RBFOX1: variants seen among roughly 807,000 people sequenced by gnomAD.
The protein encoded by RBFOX1 is RNA binding protein fox-1 homolog 1.
Under a neutral mutation model 57.7 loss-of-function variants are expected in RBFOX1, and 8 were observed. The observed-to-expected ratio is 0.14, with a 90% CI of 0.08 to 0.25. The LOEUF (loss-of-function observed/expected upper bound fraction) is 0.25, where lower values mean the gene tolerates loss of function less well. Ranked by LOEUF, RBFOX1 falls within the 10% of genes least tolerant of loss-of-function variation. The pLI, the probability that RBFOX1 is intolerant of heterozygous loss-of-function variation, is 1.00. For missense variants in RBFOX1, 611 were observed against 548.5 expected, an observed-to-expected ratio of 1.11 and a Z score of -1.14; for synonymous variants, 326 against 222.4, an observed-to-expected ratio of 1.47 and a Z score of -4.15.
chr16:7,202,232 A>G (rs906212603), intron 4 of RBFOX1, among the ~76,000 whole-genome samples: 1 of 152,072 alleles, frequency 6.6e-6, no homozygotes, highest in African/African-American at 2.4e-5. Context: ...ATCATTAATC[A>G]TTAGAGAAAA....
At chr16:5,872,577 G>C (rs1430102917) in intron 4 of RBFOX1, among the ~76,000 whole-genome samples, 2 of 148,836 alleles carry the variant, frequency 1.3e-5, no homozygotes, top group African/African-American at 4.9e-5. Context: ...TCTACAGAAA[G>C]AAAAAAAAAA....
chr16:6,448,133 C>CT (rs1294010408), intron 2 of RBFOX1, among the ~76,000 whole-genome samples: 3 of 93,452 alleles, frequency 3.2e-5, no homozygotes, highest in Non-Finnish European at 4.6e-5. Context: ...AGACATTTTT[C>CT]TTTTTTTTCT....
intron 1 of RBFOX1, among the ~76,000 whole-genome samples, chr16:6,152,188 TTGTC>T (rs2096802265): frequency 1.3e-5 from 2 of 152,214 alleles, no homozygotes; most frequent in African/African-American, 4.8e-5. Flanking sequence ...TGGCATAATA[TTGTC>T]TGAGTCAATC....
At chr16:7,321,882 A>G (rs746784582) in intron 4 of RBFOX1, among the ~76,000 whole-genome samples, 11 of 152,290 alleles carry the variant, frequency 7.2e-5, no homozygotes, top group African/African-American at 2.2e-4. Flanking sequence ...CTGCCTGGCC[A>G]TGACATCGCA....
At chr16:5,718,781 T>C (rs2051814920) in intron 3 of RBFOX1, among the ~76,000 whole-genome samples, 1 of 152,102 alleles carries the variant, frequency 6.6e-6, no homozygotes, top group African/African-American at 2.4e-5. Context: ...TAGTCGTGGG[T>C]ACCTGTAATC....
intron 2 of RBFOX1, among the ~76,000 whole-genome samples, chr16:6,443,749 G>C (rs1294275375): frequency 6.6e-6 from 1 of 151,962 alleles, no homozygotes; most frequent in Non-Finnish European, 1.5e-5. Flanking sequence ...CTTTCCATCT[G>C]TCCATCTACC....
intron 5 of RBFOX1, among the ~76,000 whole-genome samples, chr16:7,546,262 G>A (rs1390617068): frequency 6.6e-6 from 1 of 151,956 alleles, no homozygotes; most frequent in Non-Finnish European, 1.5e-5. Context: ...GGAGGGTGGA[G>A]GTTGCAGTGA....
intron 4 of RBFOX1, among the ~76,000 whole-genome samples, chr16:5,909,631 C>T (rs916959015): frequency 9.2e-5 from 14 of 152,282 alleles, no homozygotes; most frequent in Non-Finnish European, 1.8e-4. Flanking sequence ...TCTGTAGCCT[C>T]CCTCCTGGGC....
At chr16:6,560,075 A>G (rs1385849031) in intron 2 of RBFOX1, among the ~76,000 whole-genome samples, 3 of 152,016 alleles carry the variant, frequency 2.0e-5, no homozygotes, top group African/African-American at 7.2e-5. Context: ...CCTTTCCCCT[A>G]AGAAGAAGGA....
intron 1 of RBFOX1, among the ~76,000 whole-genome samples, chr16:5,447,290 C>G (rs1309826123): frequency 2.0e-5 from 3 of 152,020 alleles, no homozygotes; most frequent in African/African-American, 7.3e-5. Context: ...TGGCTCTGCA[C>G]CGTATAAGCT....
chr16:7,433,858 CA>C (rs1470730613), intron 4 of RBFOX1, among the ~76,000 whole-genome samples: 9 of 152,250 alleles, frequency 5.9e-5, no homozygotes, highest in African/African-American at 1.9e-4. Context: ...TGGAGTAAGC[CA>C]AATGACAGGG....
At chr16:7,696,463 G>C (rs1306236849) in intron 14 of RBFOX1, among the ~76,000 whole-genome samples, 1 of 149,840 alleles carries the variant, frequency 6.7e-6, no homozygotes, top group Non-Finnish European at 1.5e-5. Context: ...GGGTGGGCTA[G>C]TGATTGTAGT....
chr16:6,671,612 G>C (rs949590163), intron 3 of RBFOX1, among the ~76,000 whole-genome samples: 4 of 151,958 alleles, frequency 2.6e-5, no homozygotes, highest in Admixed American at 6.6e-5. Flanking sequence ...TCCCTCACCT[G>C]CTCCCCACCC....
chr16:6,654,695 A>C (rs930986176), intron 3 of RBFOX1, 45 bp downstream of exon 3: 3 of 1,432,920 alleles, frequency 2.1e-6, no homozygotes, highest in Non-Finnish European at 2.8e-6. Context: ...CAAAACAAGA[A>C]CTCTGTGAAT....
At chr16:6,383,799 C>A (rs1387134421) in intron 2 of RBFOX1, among the ~76,000 whole-genome samples, 2 of 151,788 alleles carry the variant, frequency 1.3e-5, no homozygotes, top group Non-Finnish European at 2.9e-5. Flanking sequence ...AAAAACAGCA[C>A]AACAAACAAG....
intron 3 of RBFOX1, among the ~76,000 whole-genome samples, chr16:6,865,951 T>C (rs900636562): frequency 1.3e-5 from 2 of 152,068 alleles, no homozygotes; most frequent in African/African-American, 4.8e-5. Context: ...TGCACAGTAA[T>C]GTCTAAATCA....
At chr16:5,696,527 A>T (rs1253382439) in intron 3 of RBFOX1, among the ~76,000 whole-genome samples, 1 of 152,242 alleles carries the variant, frequency 6.6e-6, no homozygotes, top group Non-Finnish European at 1.5e-5. Flanking sequence ...TATGTGATCC[A>T]AGGCTATGTG....
At position 6,754,711 on chromosome 16, in the gene RBFOX1, T is replaced by A. The variant is rs187065424; in HGVS notation, c.-16+100061T>A. Among the ~76,000 whole-genome samples, 136 of 152,218 alleles carry A rather than the reference T, an allele frequency of 8.9e-4. 1 individual carries two copies. The highest frequency in any genetic ancestry group is 3.4e-3 in the Middle Eastern group (1 of 294). ...GCAGGAAATGGAATGTTGTTTTTTT[T>A]TTATTATTATAGTTTAAGTTTTAGG... On this transcript the variant is annotated intron_variant, in intron 3 of 15. Coordinates refer to ENST00000550418, the MANE Select transcript of RBFOX1 (RefSeq NM_018723.4).
intron 4 of RBFOX1, among the ~76,000 whole-genome samples, chr16:7,155,099 A>G (rs1233027956): frequency 6.6e-6 from 1 of 152,188 alleles, no homozygotes; most frequent in Non-Finnish European, 1.5e-5. Flanking sequence ...CAAACTCTCC[A>G]AAGCCTCTTG....
Sources: allele counts gnomAD v4.1 joint callset (sites outside exome capture counted in the v4.1 genomes callset), GRCh38; gene constraint gnomAD v4.1.1; transcripts MANE v1.5; gene names NCBI Gene and HGNC (gene_info 2026-07-23, HGNC 2026-07-21).